Variants in SNX18 observed in about 807,000 individuals in gnomAD.
The protein encoded by SNX18 is sorting nexin-18.
Under a neutral mutation model 48.7 loss-of-function variants are expected in SNX18, and 35 were observed. The ratio of observed to expected loss-of-function variants is 0.72; its 90% CI spans 0.55 to 0.95. SNX18 has a LOEUF of 0.95. SNX18 is among the 40% of genes least tolerant of loss of function. SNX18 has a pLI of 0.00. For missense variants in SNX18, 824 were observed against 871.0 expected (o/e 0.95, Z 0.68); for synonymous variants, 492 against 384.7 (o/e 1.28, Z -3.26).
the SNX18 span, among the ~76,000 whole-genome samples, chr5:54,635,769 C>T: frequency 1.3e-5 from 2 of 152,282 alleles, no homozygotes; most frequent in African/African-American, 4.8e-5. Context: ...CAGAGGGCCT[C>T]GCACTTGATT....
At chr5:54,631,603 A>G in the SNX18 span, among the ~76,000 whole-genome samples, 1 of 152,194 alleles carries the variant, frequency 6.6e-6, no homozygotes, top group Non-Finnish European at 1.5e-5. Context: ...TGGCAAATGT[A>G]AAGTTGAAAA....
chr5:54,635,493 C>G, the SNX18 span, among the ~76,000 whole-genome samples: 312 of 152,270 alleles, frequency 2.0e-3, no homozygotes, highest in Middle Eastern at 0.017. Flanking sequence ...ACCATTTTCC[C>G]TGGTGCATTT....
chr5:54,563,731 C>G, the SNX18 span, among the ~76,000 whole-genome samples: 1 of 152,294 alleles, frequency 6.6e-6, no homozygotes, highest in South Asian at 2.1e-4. Flanking sequence ...AAAGAGGCCC[C>G]TGGAGAACCC....
chr5:54,591,056 C>T, the SNX18 span, among the ~76,000 whole-genome samples: 1 of 152,164 alleles, frequency 6.6e-6, no homozygotes, highest in African/African-American at 2.4e-5. Context: ...TCATCTCTCT[C>T]CCTGTCTCAG....
the SNX18 span, among the ~76,000 whole-genome samples, chr5:54,586,878 A>G: frequency 6.6e-6 from 1 of 152,186 alleles, no homozygotes; most frequent in African/African-American, 2.4e-5. Flanking sequence ...CTGACTCATG[A>G]ACAGGCATTT....
At chr5:54,531,743 G>A (rs917022948) in intron 1 of SNX18, among the ~76,000 whole-genome samples, 3 of 152,172 alleles carry the variant, frequency 2.0e-5, no homozygotes, top group South Asian at 2.1e-4. Flanking sequence ...GGAGTGAGGC[G>A]TGTCCTTACA....
the SNX18 span, among the ~76,000 whole-genome samples, chr5:54,641,827 G>A: frequency 2.0e-4 from 30 of 152,286 alleles, no homozygotes; most frequent in African/African-American, 5.5e-4. Flanking sequence ...GAGGTGCAAC[G>A]CGGCAGCATT....
chr5:54,544,237 G>T lies in SNX18; in HGVS notation c.*805G>T, dbSNP rs1268445925. The T allele has an allele frequency of 5.3e-5, 8 of 152,166 alleles. No individual in the cohort carries two copies. The highest frequency in any genetic ancestry group is 7.3e-5 in the Non-Finnish European group (5 of 68,036). The allele number at this position is 152,166 out of a possible 1,614,324, so 9.4% of individuals were successfully genotyped here. A position where few individuals can be genotyped will look rare whatever the true frequency, so the allele number is the denominator to read the frequency against. ...TTCACCCAGGCGTCCCAAAAGCTTG[G>T]CGTGAAGATTTCAGCAAACATGTCT... On this transcript the variant is annotated 3_prime_UTR_variant, in exon 2 of 2. Coordinates refer to ENST00000381410, the MANE Select transcript of SNX18 (RefSeq NM_001102575.2).
At chr5:54,604,340 T>C in the SNX18 span, among the ~76,000 whole-genome samples, 1 of 152,200 alleles carries the variant, frequency 6.6e-6, no homozygotes, top group Non-Finnish European at 1.5e-5. Context: ...CATTATTCAC[T>C]ATAGCCAAAA....
the SNX18 span, among the ~76,000 whole-genome samples, chr5:54,619,091 T>C: frequency 1.3e-5 from 2 of 152,150 alleles, no homozygotes; most frequent in Middle Eastern, 3.2e-3. Flanking sequence ...ACACTGACAC[T>C]GTGGTGTCAA....
the SNX18 span, among the ~76,000 whole-genome samples, chr5:54,577,568 C>G: frequency 1.3e-5 from 2 of 152,234 alleles, no homozygotes; most frequent in Admixed American, 1.3e-4. Context: ...AGTCACATAG[C>G]TGGTTTATGG....
chr5:54,627,369 T>C, the SNX18 span, among the ~76,000 whole-genome samples: 10,279 of 152,284 alleles, frequency 0.067, 445 homozygotes, highest in East Asian at 0.16. Context: ...CCTCTTACCC[T>C]TTCCTGGGGA....
downstream of SNX18, among the ~76,000 whole-genome samples, chr5:54,547,285 A>G (rs1043117692): frequency 2.6e-5 from 4 of 152,238 alleles, no homozygotes; most frequent in African/African-American, 9.6e-5. Context: ...TATCCTCACA[A>G]TGAACCTATG....
the SNX18 span, among the ~76,000 whole-genome samples, chr5:54,585,732 G>A: frequency 5.9e-5 from 9 of 152,108 alleles, no homozygotes; most frequent in South Asian, 6.2e-4. Flanking sequence ...GGCCGGGCGC[G>A]GTGGCTCACG....
intron 1 of SNX18, among the ~76,000 whole-genome samples, chr5:54,527,266 A>G (rs1201813793): frequency 2.0e-5 from 3 of 150,372 alleles, no homozygotes; most frequent in Non-Finnish European, 4.4e-5. Flanking sequence ...GGATGGAAGC[A>G]GGGAGCTAGT....
chr5:54,605,892 G>A, the SNX18 span, among the ~76,000 whole-genome samples: 7 of 152,036 alleles, frequency 4.6e-5, no homozygotes, highest in Admixed American at 2.0e-4. Flanking sequence ...TTGAACTTCT[G>A]GGCTCCAGCA....
chr5:54,582,361 A>G, the SNX18 span, among the ~76,000 whole-genome samples: 1 of 152,206 alleles, frequency 6.6e-6, no homozygotes, highest in Admixed American at 6.5e-5. Context: ...ATCATAAGAC[A>G]TCCCATGAGC....
At chr5:54,562,793 G>A in the SNX18 span, among the ~76,000 whole-genome samples, 1 of 152,170 alleles carries the variant, frequency 6.6e-6, no homozygotes, top group Non-Finnish European at 1.5e-5. Context: ...GCTTCATGCA[G>A]GTCCTTCAGG....
At chr5:54,640,173 T>G in the SNX18 span, among the ~76,000 whole-genome samples, 5 of 151,736 alleles carry the variant, frequency 3.3e-5, no homozygotes, top group Non-Finnish European at 7.4e-5. Context: ...GACCATGACA[T>G]GGGGGAATAA....
Sources: gnomAD v4.1 joint callset for allele counts (sites outside exome capture counted in the v4.1 genomes callset) on GRCh38, gnomAD v4.1.1 for gene constraint, MANE v1.5 for transcripts, NCBI Gene and HGNC (gene_info 2026-07-23, HGNC 2026-07-21) for gene names.